Variants in KCTD16 observed in about 807,000 individuals in gnomAD.
KCTD16 encodes potassium channel tetramerization domain containing 16.
Under a neutral mutation model 33.2 loss-of-function variants are expected in KCTD16, and 13 were observed. That is an observed-to-expected ratio of 0.39 (90% CI 0.25 to 0.62). The LOEUF (loss-of-function observed/expected upper bound fraction) is 0.62, where lower values mean the gene tolerates loss of function less well. Ranked by LOEUF, KCTD16 falls within the 20% of genes least tolerant of loss-of-function variation. KCTD16 has a pLI of 0.50. For synonymous variants in KCTD16, 197 were observed against 195.3 expected, an observed-to-expected ratio of 1.01 and a Z score of -0.07; for missense variants, 441 against 525.1, an observed-to-expected ratio of 0.84 and a Z score of 1.57.
At chr5:144,203,711 T>C (rs1753095714) in intron 2 of KCTD16, among the ~76,000 whole-genome samples, 2 of 152,248 alleles carry the variant, frequency 1.3e-5, no homozygotes, top group South Asian at 4.1e-4. Flanking sequence ...ATAAAACATT[T>C]GCTTACTTTA....
At chr5:144,466,959 T>A (rs1580987036) in intron 3 of KCTD16, among the ~76,000 whole-genome samples, 1 of 131,894 alleles carries the variant, frequency 7.6e-6, no homozygotes, top group Admixed American at 8.1e-5. Context: ...CTATATATAT[T>A]ATATATATTA....
At chr5:144,307,653 C>A (rs1006220993) in intron 3 of KCTD16, among the ~76,000 whole-genome samples, 4 of 152,210 alleles carry the variant, frequency 2.6e-5, no homozygotes, top group Admixed American at 2.0e-4. Flanking sequence ...AAAGTCCATG[C>A]TTCTCATCAC....
At chr5:144,302,082 G>A (rs1317072978) in intron 3 of KCTD16, among the ~76,000 whole-genome samples, 1 of 152,164 alleles carries the variant, frequency 6.6e-6, no homozygotes, top group African/African-American at 2.4e-5. Flanking sequence ...TTGTGGTGAA[G>A]ATAGTTTAAG....
At position 144,256,301 on chromosome 5, in the gene KCTD16, G is replaced by A. The variant is rs149640927; in HGVS notation, c.832+48755G>A. 1.1e-3 allele frequency among the ~76,000 whole-genome samples: 166 copies of A among 152,212 alleles called. 1 individual carries two copies. The highest frequency in any genetic ancestry group is 6.8e-3 in the Middle Eastern group (2 of 294). ...TTCTACATTCTTTTTCTATTATTTG[G>A]AGTCTAAAACCAAAGAAATTCTTCC... On this transcript the variant is annotated intron_variant, in intron 3 of 3. Transcript: ENST00000512467.
chr5:144,323,232 G>A (rs1190592940), intron 3 of KCTD16, among the ~76,000 whole-genome samples: 1 of 152,096 alleles, frequency 6.6e-6, no homozygotes, highest in Non-Finnish European at 1.5e-5. Context: ...TGAGACAGTG[G>A]ACCAACTGGG....
chr5:144,411,497 C>T (rs192844985), intron 3 of KCTD16, among the ~76,000 whole-genome samples: 6 of 152,056 alleles, frequency 3.9e-5, no homozygotes, highest in Admixed American at 2.0e-4. Flanking sequence ...AAGAATGAAA[C>T]GAGTCTTCTC....
At chr5:144,215,905 A>T (rs573090277) in intron 3 of KCTD16, among the ~76,000 whole-genome samples, 13 of 152,374 alleles carry the variant, frequency 8.5e-5, no homozygotes, top group Admixed American at 2.6e-4. Context: ...AAGAAGTTTT[A>T]GCTATTTGTT....
At chr5:144,237,012 T>C (rs1372830058) in intron 3 of KCTD16, among the ~76,000 whole-genome samples, 1 of 152,084 alleles carries the variant, frequency 6.6e-6, no homozygotes, top group Non-Finnish European at 1.5e-5. Context: ...GTCAAGTGGT[T>C]GGACAGGTAC....
intron 3 of KCTD16, among the ~76,000 whole-genome samples, chr5:144,446,318 T>C (rs1753816640): frequency 6.6e-6 from 1 of 152,048 alleles, no homozygotes; most frequent in Admixed American, 6.6e-5. Flanking sequence ...GGATTCCCTA[T>C]TCAATAAATG....
chr5:144,190,256 C>T (rs1290022062), intron 2 of KCTD16, among the ~76,000 whole-genome samples: 2 of 152,154 alleles, frequency 1.3e-5, no homozygotes, highest in Non-Finnish European at 2.9e-5. Flanking sequence ...ATCTCTGTAC[C>T]TCAACCCAGT....
chr5:144,451,855 C>T (rs1753949587), intron 3 of KCTD16, among the ~76,000 whole-genome samples: 1 of 152,090 alleles, frequency 6.6e-6, no homozygotes, highest in Non-Finnish European at 1.5e-5. Context: ...TGAGAAACTT[C>T]TCTTGAGTAT....
At chr5:144,424,333 A>T (rs1753276245) in intron 3 of KCTD16, among the ~76,000 whole-genome samples, 1 of 152,174 alleles carries the variant, frequency 6.6e-6, no homozygotes, top group African/African-American at 2.4e-5. Context: ...CAATTATCCC[A>T]GGAAATTTAA....
At chr5:144,472,064 A>G (rs1754489165) in intron 3 of KCTD16, among the ~76,000 whole-genome samples, 2 of 152,212 alleles carry the variant, frequency 1.3e-5, no homozygotes, top group Admixed American at 1.3e-4. Flanking sequence ...CTCTACTTTG[A>G]CTATATTAGA....
chr5:144,204,507 A>T (rs1484210323), intron 2 of KCTD16, among the ~76,000 whole-genome samples: 1 of 152,226 alleles, frequency 6.6e-6, no homozygotes, highest in African/African-American at 2.4e-5. Context: ...CCTCTGGAAC[A>T]GGAGTAAAAT....
At chr5:144,269,978 T>C (rs541256099) in intron 3 of KCTD16, among the ~76,000 whole-genome samples, 123 of 152,066 alleles carry the variant, frequency 8.1e-4, no homozygotes, top group Non-Finnish European at 1.5e-3. Context: ...AAAACAGGTA[T>C]AGAATATACA....
At chr5:144,422,454 C>T (rs1753232173) in intron 3 of KCTD16, among the ~76,000 whole-genome samples, 2 of 152,118 alleles carry the variant, frequency 1.3e-5, no homozygotes, top group South Asian at 4.1e-4. Flanking sequence ...AAAAATACAA[C>T]AGGCTGTACT....
At chr5:144,200,684 TA>T (rs1463163105) in intron 2 of KCTD16, among the ~76,000 whole-genome samples, 1 of 152,220 alleles carries the variant, frequency 6.6e-6, no homozygotes, top group Non-Finnish European at 1.5e-5. Context: ...CACCAAAGGC[TA>T]AATACGGCAC....
chr5:144,278,485 CTTTTTTTTTTT>C (rs1220359408), intron 3 of KCTD16, among the ~76,000 whole-genome samples: 14 of 89,986 alleles, frequency 1.6e-4, no homozygotes, highest in East Asian at 1.2e-3. Context: ...TGTTAGTCTT[CTTTTTTTTTTT>C]TTTTTTTTTT....
chr5:144,380,015 T>G (rs1414113671), intron 3 of KCTD16, among the ~76,000 whole-genome samples: 1 of 152,170 alleles, frequency 6.6e-6, no homozygotes, highest in Non-Finnish European at 1.5e-5. Flanking sequence ...TATATGCAGT[T>G]GCAAGTGTGG....
Sources: gnomAD v4.1 joint callset for allele counts (sites outside exome capture counted in the v4.1 genomes callset) on GRCh38, gnomAD v4.1.1 for gene constraint, MANE v1.5 for transcripts, NCBI Gene and HGNC (gene_info 2026-07-23, HGNC 2026-07-21) for gene names.